The following TEX10 variants were observed in gnomAD, a reference collection of about 807,000 sequenced individuals.
The protein encoded by TEX10 is testis expressed 10.
In TEX10, 24 loss-of-function variants were observed where a neutral mutation model predicts 104.4. The ratio of observed to expected loss-of-function variants is 0.23; its 90% confidence interval spans 0.17 to 0.32. The LOEUF (loss-of-function observed/expected upper bound fraction) is 0.32, where lower values mean the gene tolerates loss of function less well. Among genes scored for constraint, TEX10 ranks in the 10% least tolerant of loss-of-function variants. The pLI is 1.00. For missense variants in TEX10, 921 were observed against 1,083.9 expected (o/e 0.85, Z 2.11); for synonymous variants, 396 against 393.4 (o/e 1.01, Z -0.08).
chr9:100,304,874 C>T (rs1018599454), intron 13 of TEX10: 3 of 152,106 alleles, frequency 2.0e-5, no homozygotes, highest in African/African-American at 7.2e-5. Context: ...AAAATTAACT[C>T]AAGATAGATT....
intron 1 of TEX10, chr9:100,352,568 C>A: frequency 6.5e-7 from 1 of 1,534,828 alleles, no homozygotes; most frequent in Non-Finnish European, 8.8e-7. Context: ...TGAAGCTCCG[C>A]AAACGCCCTA....
intron 5 of TEX10, among the ~76,000 whole-genome samples, chr9:100,339,260 A>AGT (rs1835097924): frequency 7.7e-6 from 1 of 129,144 alleles, no homozygotes; most frequent in African/African-American, 3.2e-5. Context: ...AAAAAAAAAA[A>AGT]AAAAAAAAAA....
At chr9:100,312,845 G>C (rs1208797071) in intron 11 of TEX10, among the ~76,000 whole-genome samples, 1 of 152,162 alleles carries the variant, frequency 6.6e-6, no homozygotes, top group Non-Finnish European at 1.5e-5. Context: ...AGTAAACACA[G>C]TACCAGGCAC....
intron 14 of TEX10, 48 bp from the exon 15 acceptor site, chr9:100,302,352 T>A (rs375507071): frequency 9.7e-6 from 13 of 1,345,810 alleles, no homozygotes; most frequent in Non-Finnish European, 1.4e-5. Context: ...CAAATCACTA[T>A]GCTACCTGAC....
chr9:100,310,187 A>G (rs1564202924), intron 12 of TEX10, 112 bp downstream of exon 12: 12 of 836,756 alleles, frequency 1.4e-5, no homozygotes, highest in South Asian at 6.3e-5. Context: ...AGAGACTATG[A>G]TATCATTAAT....
intron 10 of TEX10, 106 bp downstream of exon 10, chr9:100,321,577 T>C: frequency 1.2e-6 from 1 of 841,906 alleles, no homozygotes; most frequent in South Asian, 1.7e-5. Context: ...AGAATATTTA[T>C]CATCTTCAAA....
chr9:100,343,834 C>CT (rs1835234426), intron 4 of TEX10, among the ~76,000 whole-genome samples: 1 of 152,148 alleles, frequency 6.6e-6, no homozygotes, highest in Admixed American at 6.5e-5. Flanking sequence ...CCAAGCAATG[C>CT]TATTTGGTTC....
intron 4 of TEX10, among the ~76,000 whole-genome samples, chr9:100,344,720 C>T (rs546739507): frequency 1.3e-5 from 2 of 152,158 alleles, no homozygotes; most frequent in South Asian, 4.1e-4. Flanking sequence ...GTGGCGGGCA[C>T]CTGTAAGCCT....
chr9:100,336,981 T>C (rs1285783857), intron 5 of TEX10, among the ~76,000 whole-genome samples: 1 of 152,106 alleles, frequency 6.6e-6, no homozygotes, highest in Non-Finnish European at 1.5e-5. Flanking sequence ...CCTCATAAAG[T>C]TAATTCCTTT....
chr9:100,316,544 A>G (rs975803597), intron 11 of TEX10, among the ~76,000 whole-genome samples: 1 of 151,884 alleles, frequency 6.6e-6, no homozygotes, highest in Non-Finnish European at 1.5e-5. Context: ...CAGGCAAGAG[A>G]AAAAAAATAA....
At chr9:100,330,226 T>G in intron 5 of TEX10, 57 bp from the exon 6 acceptor site, 1 of 1,222,434 alleles carries the variant, frequency 8.2e-7, no homozygotes, top group Non-Finnish European at 1.2e-6. Context: ...CCTGCTTCAT[T>G]AGAATACTTA....
At chr9:100,334,362 G>A (rs1197786162) in intron 5 of TEX10, among the ~76,000 whole-genome samples, 3 of 152,128 alleles carry the variant, frequency 2.0e-5, no homozygotes, top group Non-Finnish European at 4.4e-5. Flanking sequence ...TATTGTCAGT[G>A]TGCTCAAAGA....
Position 100,349,177 on chromosome 9 carries a change from G to A in TEX10, c.180+7C>T. On this transcript the variant is annotated splice_region_variant and intron_variant, in intron 2 of 14. Transcript: ENST00000374902. ...CTTATTTTGTCAAAACATGATTTATGATTTACCTTTATGTTAAGTTTTCTA... is the reference window on the plus strand; with the variant it reads ...CTTATTTTGTCAAAACATGATTTATAATTTACCTTTATGTTAAGTTTTCTA... The A allele has an allele frequency of 6.6e-7, 1 of 1,524,836 alleles. No individual in the cohort carries two copies. Among genetic ancestry groups the A allele is most frequent in the African/African-American group, 1.4e-5 (1 of 70,868 alleles). 94.5% of individuals were successfully genotyped at this position (1,524,836 alleles called of 1,614,324 possible).
chr9:100,302,434 G>T, intron 14 of TEX10, 130 bp from the exon 15 acceptor site: 1 of 576,398 alleles, frequency 1.7e-6, no homozygotes, highest in Non-Finnish European at 3.0e-6. Flanking sequence ...ATTACCATAG[G>T]AAGTCTTCCA....
intron 4 of TEX10, among the ~76,000 whole-genome samples, chr9:100,342,963 C>T (rs1042242659): frequency 5.3e-5 from 8 of 151,610 alleles, no homozygotes; most frequent in African/African-American, 1.7e-4. Context: ...CTGGCTGACA[C>T]GGTGAAACTC....
At chr9:100,329,443 G>A (rs1834797268) in intron 6 of TEX10, among the ~76,000 whole-genome samples, 168 bp from the exon 7 acceptor site, 1 of 152,002 alleles carries the variant, frequency 6.6e-6, no homozygotes, top group Admixed American at 6.6e-5. Context: ...TAATAAAAAA[G>A]TCAAACCAAT....
At chr9:100,326,203 T>C in intron 9 of TEX10, 99 bp downstream of exon 9, 3 of 1,222,704 alleles carry the variant, frequency 2.5e-6, no homozygotes, top group East Asian at 2.5e-5. Flanking sequence ...TAAATGAAAG[T>C]AGTGTATGCG....
At chr9:100,341,014 C>T (rs1009515597) in intron 4 of TEX10, among the ~76,000 whole-genome samples, 5 of 151,984 alleles carry the variant, frequency 3.3e-5, no homozygotes, top group Non-Finnish European at 7.4e-5. Context: ...TCGCCCAGGT[C>T]GGAGTACAGT....
At position 100,308,688 on chromosome 9, in the gene TEX10, A is replaced by G; in HGVS notation, c.2284-7T>C. 1 of 1,578,930 alleles carries G rather than the reference A, an allele frequency of 6.3e-7. No individual in the cohort carries two copies. Among genetic ancestry groups the G allele is most frequent in the Non-Finnish European group, 8.6e-7 (1 of 1,165,340 alleles). On this transcript the variant is annotated splice_region_variant and splice_polypyrimidine_tract_variant and intron_variant, in intron 12 of 14. Coordinates refer to ENST00000374902, the MANE Select transcript of TEX10 (RefSeq NM_017746.4). ...GAATTACAGTCAACCCAACCTAAGC[A>G]GAGAAAAACGAGATTAATCACCTCT...
Sources: allele counts gnomAD v4.1 joint callset (sites outside exome capture counted in the v4.1 genomes callset), GRCh38; gene constraint gnomAD v4.1.1; transcripts MANE v1.5; gene names NCBI Gene and HGNC (gene_info 2026-07-23, HGNC 2026-07-21).